Variants in PRCD observed in about 807,000 individuals in gnomAD.
PRCD encodes the protein photoreceptor disc component.
A neutral mutation model predicts 10.1 loss-of-function variants in PRCD; 12 were observed. The ratio of observed to expected loss-of-function variants is 1.18; its 90% CI spans 0.76 to 1.92. PRCD has a LOEUF of 1.92. PRCD is among the 40% of genes most tolerant of loss of function. PRCD has a pLI of 0.00. For synonymous variants in PRCD, 31 were observed against 26.2 expected (o/e 1.18, Z -0.56); for missense variants, 61 against 72.2 (o/e 0.84, Z 0.56).
At chr17:76,527,595 G>A (rs1406474040), upstream of PRCD, 3 of 453,050 alleles carry the variant, frequency 6.6e-6, no homozygotes, top group East Asian at 7.0e-5. Flanking sequence ...AATAGACAGG[G>A]CCGACTGCCG....
At chr17:76,543,721 T>C in intron 4 of PRCD, 82 bp from the exon 5 acceptor site, 1 of 467,824 alleles carries the variant, frequency 2.1e-6, no homozygotes, top group South Asian at 1.6e-5. Flanking sequence ...AGCTATTCTG[T>C]TAAGCCGCCA....
At chr17:76,541,179 C>G (rs186946579) in intron 2 of PRCD, among the ~76,000 whole-genome samples, 12 of 152,290 alleles carry the variant, frequency 7.9e-5, no homozygotes, top group Non-Finnish European at 1.6e-4. Context: ...CCCTGGGTGA[C>G]CAGTGTCGTT....
upstream of PRCD, chr17:76,537,542 T>C: frequency 6.5e-7 from 1 of 1,537,940 alleles, no homozygotes. Context: ...ACTTTCTCCA[T>C]GAGCAGCTCC....
In PRCD at chr17:76,530,466, G is replaced by A. The variant is rs1444561351; in HGVS notation, n.45+2633G>A. On this transcript the variant is annotated intron_variant and non_coding_transcript_variant, in intron 1 of 4. Coordinates refer to the PRCD transcript ENST00000397633. This position sits in a 1 kb window ranked among gnomAD's most constrained non-coding sequence, Gnocchi z 6.1. The stretch of plus-strand genomic sequence containing the variant: ...TGAGCGACACCCATGTAGCTTCCTC[G>A]TGGGCTGGGGTGTGTGTGTGTGTGT... 2.6e-5 allele frequency among the ~76,000 whole-genome samples: 4 copies of A among 152,310 alleles called. No individual in the cohort carries two copies. The highest frequency in any genetic ancestry group is 1.3e-4 in the Admixed American group (2 of 15,306).
At chr17:76,535,831 A>T (rs1291249081), upstream of PRCD, among the ~76,000 whole-genome samples, 1 of 152,126 alleles carries the variant, frequency 6.6e-6, no homozygotes, top group Non-Finnish European at 1.5e-5. Flanking sequence ...GACGGTGAGC[A>T]CTTCCTCCAC....
chr17:76,545,252 G>A lies in PRCD; in HGVS notation c.*1602G>A. On this transcript the variant is annotated 3_prime_UTR_variant, in exon 5 of 5. Coordinates refer to ENST00000592014, the MANE Select transcript of PRCD (RefSeq NM_001077620.3). ...CTCTCTCAGCCTAGAGCTCCCCACA[G>A]AAGGCTCCTGGGACCCGGGTGCCCC... The A allele has an allele frequency of 2.2e-6, 1 of 456,792 alleles. No homozygotes were observed. The highest frequency in any genetic ancestry group is 1.5e-5 in the South Asian group (1 of 64,574). The allele number at this position is 456,792 out of a possible 1,614,324, so 28.3% of individuals were successfully genotyped here. A position where few individuals can be genotyped will look rare whatever the true frequency, so the allele number is the denominator to read the frequency against.
Position 76,533,771 on chromosome 17 carries a change from C to T in PRCD, n.45+5938C>T, listed in dbSNP as rs1377903776. 4.6e-5 allele frequency among the ~76,000 whole-genome samples: 7 copies of T among 151,164 alleles called. No individual in the cohort carries two copies. The highest frequency in any genetic ancestry group is 1.0e-4 in the Non-Finnish European group (7 of 67,834). On this transcript the variant is annotated intron_variant and non_coding_transcript_variant, in intron 1 of 4. Transcript: ENST00000397633. The surrounding 1 kb of genome is among the most constrained non-coding windows in gnomAD (Gnocchi z 4.5). ...TAATAAAAGGTCAGGTGTGGTGGCT[C>T]ATGCCTGTAGAACTTTGGGAGGCCA...
chr17:76,548,923 G>A (rs2075081593), downstream of PRCD, among the ~76,000 whole-genome samples: 1 of 152,172 alleles, frequency 6.6e-6, no homozygotes, highest in African/African-American at 2.4e-5. Flanking sequence ...CTGTGCCTTG[G>A]GGAGGGGAAA....
rs2074787354 is a variant in PRCD at position 76,528,017 on chromosome 17, ACT to A, written n.45+187_45+188del. On this transcript the variant is annotated intron_variant and non_coding_transcript_variant, in intron 1 of 4. Coordinates refer to the PRCD transcript ENST00000397633. The surrounding 1 kb of genome is among the most constrained non-coding windows in gnomAD (Gnocchi z 5.8). ...TGTGGGATTTCCTCTTTGCCAGAAC[ACT>A]CTGTTCTCTGCACAACCGGAACCCC... 1 of 362,976 alleles carries A rather than the reference ACT, an allele frequency of 2.8e-6. No individual in the cohort carries two copies. The highest frequency in any genetic ancestry group is 5.4e-6 in the Non-Finnish European group (1 of 184,654). The allele number at this position is 362,976 out of a possible 1,614,324, so 22.5% of individuals were successfully genotyped here. A position where few individuals can be genotyped will look rare whatever the true frequency, so the allele number is the denominator to read the frequency against.
In PRCD at chr17:76,540,648, C is replaced by G. The variant is rs149696676; in HGVS notation, c.143+75C>G. On this transcript the variant is annotated intron_variant, in intron 2 of 4. Coordinates refer to ENST00000592014, the MANE Select transcript of PRCD (RefSeq NM_001077620.3). This position sits in a 1 kb window ranked among gnomAD's most constrained non-coding sequence, Gnocchi z 5.0. The stretch of plus-strand genomic sequence containing the variant: ...GTGGCTGTGCATGCCTGGGGGTGCA[C>G]GTGTGTGCCTGTGCGCGCCTGTGCG... 1 of 1,455,866 alleles carries G rather than the reference C, an allele frequency of 6.9e-7. No individual in the cohort carries two copies. Among genetic ancestry groups the G allele is most frequent in the African/African-American group, 1.4e-5 (1 of 71,780 alleles). The allele number at this position is 1,455,866 out of a possible 1,614,324, so 90.2% of individuals were successfully genotyped here.
In PRCD at chr17:76,542,596, G is replaced by A; in HGVS notation, c.*22G>A. 1 of 1,614,060 alleles carries A rather than the reference G, an allele frequency of 6.2e-7. No homozygotes were observed. Among genetic ancestry groups the A allele is most frequent in the East Asian group, 2.2e-5 (1 of 44,888 alleles). The stretch of plus-strand genomic sequence containing the variant: ...GTAAGCCCTCACCTCTGCAGGTGGG[G>A]CTCAGGCCCAGAGACTGGGATCAGC... On this transcript the variant is annotated 3_prime_UTR_variant, in exon 3 of 5. Coordinates refer to ENST00000592014, the MANE Select transcript of PRCD (RefSeq NM_001077620.3).
At chr17:76,534,609 G>T (rs2074894750) in intron 1 of PRCD, among the ~76,000 whole-genome samples, 1 of 152,224 alleles carries the variant, frequency 6.6e-6, no homozygotes, top group African/African-American at 2.4e-5. Context: ...CCTGAGGTAG[G>T]CACTGTTTTA....
Position 76,528,624 on chromosome 17 carries a change from T to C in PRCD, n.45+791T>C, listed in dbSNP as rs201496863. The C allele has an allele frequency of 4.1e-3, 5,257 of 1,272,840 alleles. 18 individuals carry two copies. The highest frequency in any genetic ancestry group is 3.9e-3 in the Non-Finnish European group (3,865 of 1,001,032). The allele number at this position is 1,272,840 out of a possible 1,614,324, so 78.8% of individuals were successfully genotyped here. Reference sequence around the variant, plus strand: ...TGTGGCCGGTGGGCTGTGGACGAGATAGGAAGGGAAGGACAAACGTTACCA... The same window carrying C: ...TGTGGCCGGTGGGCTGTGGACGAGACAGGAAGGGAAGGACAAACGTTACCA... On this transcript the variant is annotated intron_variant and non_coding_transcript_variant, in intron 1 of 4. Transcript: ENST00000397633. This position sits in a 1 kb window ranked among gnomAD's most constrained non-coding sequence, Gnocchi z 5.8.
In PRCD at chr17:76,543,101, G is replaced by C. The variant is rs1357064418; in HGVS notation, c.*132G>C. On this transcript the variant is annotated 3_prime_UTR_variant, in exon 4 of 5. Coordinates refer to ENST00000592014, the MANE Select transcript of PRCD (RefSeq NM_001077620.3). ...GCAGCAGCGGCAAGAGGGAGAATGG[G>C]GGGAAGCAGCACTAGAGAAGGTAGA... 1 of 471,268 alleles carries C rather than the reference G, an allele frequency of 2.1e-6. No homozygotes were observed. Among genetic ancestry groups the C allele is most frequent in the African/African-American group, 2.0e-5 (1 of 50,094 alleles). The allele number at this position is 471,268 out of a possible 1,614,324, so 29.2% of individuals were successfully genotyped here.
At position 76,533,270 on chromosome 17, in the gene PRCD, C is replaced by T. The variant is rs573868268; in HGVS notation, n.45+5437C>T. Among the ~76,000 whole-genome samples the T allele has an allele frequency of 6.6e-6, 1 of 152,318 alleles. No homozygotes were observed. Among genetic ancestry groups the T allele is most frequent in the African/African-American group, 2.4e-5 (1 of 41,562 alleles). ...CAGAAGGGCAAGAGGAGGGCCCCCG[C>T]TCACTGCTTCATGGATACACGGGTG... On this transcript the variant is annotated intron_variant and non_coding_transcript_variant, in intron 1 of 4. Transcript: ENST00000397633. This position sits in a 1 kb window ranked among gnomAD's most constrained non-coding sequence, Gnocchi z 4.5.
chr17:76,546,383 TG>T, downstream of PRCD: 1 of 152,320 alleles, frequency 6.6e-6, no homozygotes, highest in East Asian at 1.9e-4. The surrounding 1 kb of genome is among the most constrained non-coding windows in gnomAD (Gnocchi z 4.5). Context: ...ACTGTCACCC[TG>T]GGGTGTAGAT....
At chr17:76,529,454 G>A (rs2074808029) in intron 1 of PRCD, 4 of 985,468 alleles carry the variant, frequency 4.1e-6, no homozygotes, top group Non-Finnish European at 4.8e-6. Context: ...GCAGGGTGGG[G>A]AGGGCAGGAC....
rs772453985 is a variant in PRCD, at chr17:76,544,998, G to A, written c.*1348G>A. On this transcript the variant is annotated 3_prime_UTR_variant, in exon 5 of 5. Coordinates refer to ENST00000592014, the MANE Select transcript of PRCD (RefSeq NM_001077620.3). The stretch of plus-strand genomic sequence containing the variant: ...GAGGAAGGGGCTGCTGGCGGCCAGC[G>A]GGGCTGTGGCTGCCTGGGCTTGGAG... 1.3e-5 allele frequency: 6 copies of A among 456,152 alleles called. No individual in the cohort carries two copies. The highest frequency in any genetic ancestry group is 4.0e-5 in the African/African-American group (2 of 50,066). 28.3% of individuals were successfully genotyped at this position (456,152 alleles called of 1,614,324 possible).
In PRCD at chr17:76,530,666, C is replaced by G. The variant is rs2074825905; in HGVS notation, n.45+2833C>G. Among the ~76,000 whole-genome samples the G allele has an allele frequency of 2.0e-5, 3 of 152,194 alleles. No individual in the cohort carries two copies. The highest frequency in any genetic ancestry group is 2.0e-4 in the Admixed American group (3 of 15,278). ...GATCGGACCTTACCGCCAGGAGCCT[C>G]TGGCGCCTCTCTGCCTGGGCAGCTG... On this transcript the variant is annotated intron_variant and non_coding_transcript_variant, in intron 1 of 4. Transcript: ENST00000397633. This position sits in a 1 kb window ranked among gnomAD's most constrained non-coding sequence, Gnocchi z 6.1.
Sources: gnomAD v4.1 joint callset for allele counts (sites outside exome capture counted in the v4.1 genomes callset) on GRCh38, gnomAD v4.1.1 for gene constraint, Gnocchi (gnomAD v3.1) non-coding constraint, MANE v1.5 for transcripts, NCBI Gene and HGNC (gene_info 2026-07-23, HGNC 2026-07-21) for gene names.